The following ASH1L variants were observed in gnomAD, a reference collection of about 807,000 sequenced individuals.
ASH1L encodes ASH1 like histone lysine methyltransferase, also known as histone-lysine N-methyltransferase ASH1L.
ASH1L carries 23 observed loss-of-function variants against 269.0 expected under a neutral mutation model. The observed-to-expected ratio is 0.09, with a 90% confidence interval of 0.06 to 0.12. ASH1L has a LOEUF of 0.12. Among genes scored for constraint, ASH1L ranks in the 10% least tolerant of loss-of-function variants. The pLI, the probability that ASH1L is intolerant of heterozygous loss-of-function variation, is 1.00. For synonymous variants in ASH1L, 1,187 were observed against 1,253.5 expected, an observed-to-expected ratio of 0.95 and a Z score of 1.12; for missense variants, 2,912 against 3,567.8, an observed-to-expected ratio of 0.82 and a Z score of 4.68.
At chr1:155,397,549 T>G (rs1377477141) in intron 6 of ASH1L, among the ~76,000 whole-genome samples, 2 of 151,618 alleles carry the variant, frequency 1.3e-5, no homozygotes. Context: ...AAGACAACCT[T>G]CATTTATTTA....
Position 155,343,656 on chromosome 1 carries a change from T to C in ASH1L, c.8068A>G (p.Asn2690Asp). ...CGAAAGATGTCAAGTTTATCTCGGT[T>C]AATGTGAGATAACAGTCGATAGGAC... ...RQSYRLLSHINRDKLDIFRIE... is the reference protein window; with the variant it reads ...RQSYRLLSHIDRDKLDIFRIE... The change falls in exon 23 of 28, where the codon AAC becomes GAC. Residue 2690 changes from asparagine (N) to aspartate (D), a missense_variant. Transcript: ENST00000392403. This position sits in a 1 kb window ranked among gnomAD's most constrained non-coding sequence, Gnocchi z 6.1. 1 of 1,614,154 alleles carries C rather than the reference T, an allele frequency of 6.2e-7. No homozygotes were observed. The highest frequency in any genetic ancestry group is 8.5e-7 in the Non-Finnish European group (1 of 1,180,022).
At chr1:155,482,535 T>A in intron 2 of ASH1L, 86 bp from the exon 3 acceptor site, 1 of 1,363,446 alleles carries the variant, frequency 7.3e-7, no homozygotes, top group Non-Finnish European at 1.0e-6. Flanking sequence ...AACTAATGGA[T>A]CACATATCAG....
chr1:155,354,679 A>T (rs775110387), intron 15 of ASH1L, 49 bp from the exon 16 acceptor site: 3 of 1,552,518 alleles, frequency 1.9e-6, no homozygotes, highest in Non-Finnish European at 2.6e-6. Flanking sequence ...TTAAATAAGC[A>T]TGTATTACAT....
intron 13 of ASH1L, chr1:155,358,716 A>C (rs888499105): frequency 2.6e-5 from 4 of 151,768 alleles, no homozygotes; most frequent in Non-Finnish European, 1.5e-5. Flanking sequence ...AAAAAAAAAA[A>C]CATGAAATGC....
intron 4 of ASH1L, among the ~76,000 whole-genome samples, chr1:155,452,673 G>A (rs1250059134): frequency 6.6e-6 from 1 of 151,514 alleles, no homozygotes; most frequent in East Asian, 1.9e-4. Flanking sequence ...TCCTGCCTCA[G>A]CCTCCCAAGT....
Position 155,344,546 on chromosome 1 carries a change from AG to A in ASH1L, c.7891-274del, listed in dbSNP as rs150232108. The A allele has an allele frequency of 3.6e-3, 1,098 of 301,324 alleles. 13 individuals carry two copies. Among genetic ancestry groups the A allele is most frequent in the African/African-American group, 0.023 (1,059 of 46,266 alleles). 18.7% of individuals were successfully genotyped at this position (301,324 alleles called of 1,614,324 possible). A position where few individuals can be genotyped will look rare whatever the true frequency, so the allele number is the denominator to read the frequency against. On this transcript the variant is annotated intron_variant, in intron 21 of 27. Coordinates refer to ENST00000392403, the MANE Select transcript of ASH1L (RefSeq NM_018489.3). ...CTAGGGGCCATATGAAAATGTGTGA[AG>A]GGAGACTAATTATTACAATGATTGG...
Position 155,336,230 on chromosome 1 carries a change from C to A in ASH1L, c.*1430G>T, listed in dbSNP as rs148609149. 230 of 152,486 alleles carry A rather than the reference C, an allele frequency of 1.5e-3. 1 individual carries two copies. The highest frequency in any genetic ancestry group is 4.6e-3 in the African/African-American group (192 of 41,426). The allele number at this position is 152,486 out of a possible 1,614,324, so 9.4% of individuals were successfully genotyped here. ...TGTCTACCTAAACGAGTCAGAGCAT[C>A]GTCACCATAAGGGGAAATGTACAAT... On this transcript the variant is annotated 3_prime_UTR_variant, in exon 28 of 28. Transcript: ENST00000392403.
At chr1:155,485,906 C>G (rs1331301946) in intron 2 of ASH1L, among the ~76,000 whole-genome samples, 1 of 151,282 alleles carries the variant, frequency 6.6e-6, no homozygotes, top group East Asian at 1.9e-4. Flanking sequence ...TCACTTTGAA[C>G]TAGTCACTAT....
At chr1:155,547,679 T>C (rs943004469) in intron 1 of ASH1L, among the ~76,000 whole-genome samples, 2 of 151,156 alleles carry the variant, frequency 1.3e-5, no homozygotes, top group South Asian at 2.1e-4. Flanking sequence ...GCTGAGATCA[T>C]GATGTTGCAC....
At chr1:155,490,446 T>C (rs1337671290) in intron 2 of ASH1L, among the ~76,000 whole-genome samples, 1 of 149,350 alleles carries the variant, frequency 6.7e-6, no homozygotes, top group African/African-American at 2.5e-5. Flanking sequence ...ACCCCATCTC[T>C]ACTAAAAATA....
At position 155,519,689 on chromosome 1, in the gene ASH1L, G is replaced by A. The variant is rs192987672; in HGVS notation, c.420+1411C>T. On this transcript the variant is annotated intron_variant, in intron 2 of 27. Transcript: ENST00000392403. ...TTTTTGGGGGGTGAGATGGAATTTC[G>A]CTTTCATTGCCCAGGCTGGAGTGCA... Among the ~76,000 whole-genome samples the A allele has an allele frequency of 1.4e-3, 206 of 152,016 alleles. 1 individual carries two copies. The highest frequency in any genetic ancestry group is 4.5e-3 in the African/African-American group (186 of 41,494).
intron 6 of ASH1L, among the ~76,000 whole-genome samples, chr1:155,403,442 GACTA>G (rs1659018850): frequency 6.6e-6 from 1 of 152,138 alleles, no homozygotes; most frequent in South Asian, 2.1e-4. Flanking sequence ...CTATGCTATT[GACTA>G]ACTGTAAAAC....
intron 2 of ASH1L, among the ~76,000 whole-genome samples, chr1:155,494,439 C>A (rs770410778): frequency 6.6e-6 from 1 of 152,158 alleles, no homozygotes; most frequent in Non-Finnish European, 1.5e-5. Context: ...TGGGTACTTA[C>A]TGTTGTGGAT....
chr1:155,510,755 A>AT lies in ASH1L; in HGVS notation c.420+10344dup, dbSNP rs571325148. Among the ~76,000 whole-genome samples, 533 of 146,972 alleles carry AT rather than the reference A, an allele frequency of 3.6e-3. 2 individuals are homozygous for AT. The highest frequency in any genetic ancestry group is 0.02 in the South Asian group (95 of 4,686). The stretch of plus-strand genomic sequence containing the variant: ...CAAGCGAAGATGAACCTGAAAACAC[A>AT]TTTTTTTTTTTGGAGACAGGATCTC... On this transcript the variant is annotated intron_variant, in intron 2 of 27. Coordinates refer to ENST00000392403, the MANE Select transcript of ASH1L (RefSeq NM_018489.3).
At chr1:155,441,054 T>G in intron 4 of ASH1L, among the ~76,000 whole-genome samples, 1 of 152,262 alleles carries the variant, frequency 6.6e-6, no homozygotes, top group East Asian at 1.9e-4. Context: ...CCTGTCCACT[T>G]TCCTTTCTTC....
chr1:155,421,138 C>T (rs181601146), intron 5 of ASH1L, among the ~76,000 whole-genome samples: 256 of 149,250 alleles, frequency 1.7e-3, no homozygotes, highest in Middle Eastern at 3.5e-3. Context: ...ACTGAAGAGG[C>T]TAAAGTGGGA....
At chr1:155,471,111 T>C (rs908705083) in intron 3 of ASH1L, among the ~76,000 whole-genome samples, 1 of 152,216 alleles carries the variant, frequency 6.6e-6, no homozygotes, top group Non-Finnish European at 1.5e-5. Flanking sequence ...TAAGTTTCTA[T>C]TAGAAAATCA....
chr1:155,411,580 TAAATAA>T lies in ASH1L; in HGVS notation c.6008+4158_6008+4163del, dbSNP rs1319649303. ...AAATATAAATATGAATATAAATAAATAAATAAATATATATATATATATATATATATA... is the reference window on the plus strand; with the variant it reads ...AAATATAAATATGAATATAAATAAATATATATATATATATATATATATATA... On this transcript the variant is annotated intron_variant, in intron 6 of 27. Coordinates refer to ENST00000392403, the MANE Select transcript of ASH1L (RefSeq NM_018489.3). Among the ~76,000 whole-genome samples, 143 of 34,432 alleles carry T rather than the reference TAAATAA, an allele frequency of 4.2e-3. 1 individual carries two copies. Among genetic ancestry groups the T allele is most frequent in the African/African-American group, 0.011 (117 of 10,544 alleles). The allele number at this position is 34,432 out of a possible 152,430, so 22.6% of individuals were successfully genotyped here. A position where few individuals can be genotyped will look rare whatever the true frequency, so the allele number is the denominator to read the frequency against.
In ASH1L at chr1:155,395,488, T is replaced by C. The variant is rs1658266455; in HGVS notation, c.6074A>G (p.Tyr2025Cys). The C allele has an allele frequency of 1.2e-6, 2 of 1,611,360 alleles. No homozygotes were observed. The highest frequency in any genetic ancestry group is 2.2e-5 in the East Asian group (1 of 44,516). Residue 2025 changes from tyrosine to cysteine, a missense_variant, in exon 7 of 28, where the codon TAT (tyrosine) becomes TGT (cysteine). Coordinates refer to ENST00000392403, the MANE Select transcript of ASH1L (RefSeq NM_018489.3). Reference protein sequence around the residue: ...KLEYTPGEHEYGLFPAPIHVG... With the variant: ...KLEYTPGEHECGLFPAPIHVG... ...ATGAATGGGCGCTGGAAATAATCCA[T>C]ATTCATGCTCTCCTGGAGTATACTC... is the stretch of plus-strand genomic sequence containing the variant.
Sources: allele counts gnomAD v4.1 joint callset (sites outside exome capture counted in the v4.1 genomes callset), GRCh38; gene constraint gnomAD v4.1.1; non-coding constraint Gnocchi (gnomAD v3.1); transcripts MANE v1.5; gene names NCBI Gene and HGNC (gene_info 2026-07-23, HGNC 2026-07-21).